The following SPECC1 variants were observed in gnomAD, a reference collection of about 807,000 sequenced individuals.
SPECC1 encodes the protein cytospin-B.
In SPECC1, 62 loss-of-function variants were observed where a neutral mutation model predicts 104.1. The observed-to-expected ratio is 0.60, with a 90% confidence interval of 0.49 to 0.74. The LOEUF (loss-of-function observed/expected upper bound fraction) is 0.74, where lower values mean the gene tolerates loss of function less well. SPECC1 is among the 30% of genes least tolerant of loss of function. The probability of loss-of-function intolerance (pLI) is 0.00; values close to 1 mark genes in which losing one functional copy is unlikely to be tolerated. For missense variants in SPECC1, 1,306 were observed against 1,310.5 expected, an observed-to-expected ratio of 1.00 and a Z score of 0.05; for synonymous variants, 513 against 501.6, an observed-to-expected ratio of 1.02 and a Z score of -0.30.
At chr17:20,286,639 A>G (rs2040956240) in intron 12 of SPECC1, among the ~76,000 whole-genome samples, 1 of 152,062 alleles carries the variant, frequency 6.6e-6, no homozygotes, top group Non-Finnish European at 1.5e-5. Flanking sequence ...CCGGCCACCC[A>G]TGTCCCACAA....
chr17:20,242,362 G>A (rs573273061), intron 7 of SPECC1, among the ~76,000 whole-genome samples: 3 of 152,326 alleles, frequency 2.0e-5, no homozygotes, highest in Admixed American at 2.0e-4. Context: ...ACAAGGTGAG[G>A]CATGGAAGGC....
chr17:20,045,780 TG>T (rs2045516657), intron 1 of SPECC1, among the ~76,000 whole-genome samples: 1 of 152,240 alleles, frequency 6.6e-6, no homozygotes, highest in Non-Finnish European at 1.5e-5. Context: ...CAGTTTTTCC[TG>T]CTTTATCTGA....
intron 2 of SPECC1, 103 bp downstream of exon 2, chr17:20,096,901 A>T: frequency 7.0e-7 from 1 of 1,429,228 alleles, no homozygotes; most frequent in Non-Finnish European, 9.5e-7. Context: ...GGGGCAGGGA[A>T]GGAGGCTCCC....
chr17:20,256,130 G>A (rs2039822506), intron 10 of SPECC1, among the ~76,000 whole-genome samples: 1 of 152,096 alleles, frequency 6.6e-6, no homozygotes. Flanking sequence ...ACCCACCTCG[G>A]CCTCCCAAAG....
At position 20,110,679 on chromosome 17, in the gene SPECC1, C is replaced by A. The variant is rs889792879; in HGVS notation, c.283+117C>A. ...TCGTGAAATATTTCTTGACCACTTACCCTGGGCCGGAACTGTTTTAGGCAG... is the reference window on the plus strand; with the variant it reads ...TCGTGAAATATTTCTTGACCACTTAACCTGGGCCGGAACTGTTTTAGGCAG... On this transcript the variant is annotated intron_variant, in intron 3 of 14. Coordinates refer to ENST00000395527, the MANE Select transcript of SPECC1 (RefSeq NM_001243439.2). 12 of 1,253,430 alleles carry A rather than the reference C, an allele frequency of 9.6e-6. No homozygotes were observed. In the East Asian group the frequency reaches 1.1e-4, roughly 11 times the overall value. 77.6% of individuals were successfully genotyped at this position (1,253,430 alleles called of 1,614,324 possible).
intron 1 of SPECC1, among the ~76,000 whole-genome samples, chr17:20,011,899 A>G (rs1334793670): frequency 6.6e-6 from 1 of 151,860 alleles, no homozygotes; most frequent in Non-Finnish European, 1.5e-5. Flanking sequence ...TTCACTTTCC[A>G]TTCCTTCTTG....
Position 20,204,739 on chromosome 17 carries a change from G to T in SPECC1, c.690G>T (p.Glu230Asp), listed in dbSNP as rs763906753. Residue 230 changes from glutamate to aspartate, a missense_variant, in exon 4 of 15, where the codon GAG becomes GAT. Transcript: ENST00000395527. ...CGGAACCTATGATAAGAGCTCTTGA[G>T]GAGAAGAACAAGAACTTTCAGAAAG... ...GDTEPMIRAL[E>D]EKNKNFQKEL... The T allele has an allele frequency of 4.4e-6, 7 of 1,605,086 alleles. No individual in the cohort carries two copies. Among genetic ancestry groups the T allele is most frequent in the Non-Finnish European group, 5.9e-6 (7 of 1,179,800 alleles).
At chr17:20,115,317 A>G (rs967618058) in intron 3 of SPECC1, among the ~76,000 whole-genome samples, 2 of 152,120 alleles carry the variant, frequency 1.3e-5, no homozygotes, top group East Asian at 1.9e-4. Flanking sequence ...TACTAAAAAT[A>G]CAAACATTAG....
chr17:20,071,420 G>GCTA (rs1555601363), intron 1 of SPECC1, among the ~76,000 whole-genome samples: 1 of 151,974 alleles, frequency 6.6e-6, no homozygotes, highest in Non-Finnish European at 1.5e-5. Flanking sequence ...CTCCTTTAGA[G>GCTA]AAGAATCAAG....
rs1173525604 is a variant in SPECC1 at position 20,222,334 on chromosome 17, G to A, written c.1864-5079G>A. Among the ~76,000 whole-genome samples, 5 of 148,784 alleles carry A rather than the reference G, an allele frequency of 3.4e-5. No homozygotes were observed. In the Middle Eastern group the frequency reaches 0.01, roughly 306 times the overall value. On this transcript the variant is annotated intron_variant, in intron 4 of 14. Coordinates refer to ENST00000395527, the MANE Select transcript of SPECC1 (RefSeq NM_001243439.2). The stretch of plus-strand genomic sequence containing the variant: ...GGGAGACAGAGCGAGATTGTGTCTC[G>A]AAAAAAAAAAGTTTCAGGAATTATT...
intron 3 of SPECC1, among the ~76,000 whole-genome samples, chr17:20,122,665 C>T (rs979307213): frequency 6.6e-6 from 1 of 152,184 alleles, no homozygotes; most frequent in African/African-American, 2.4e-5. Context: ...TCCCGGCAAG[C>T]ACCATTCTGT....
At chr17:20,058,942 C>A (rs2046076180) in intron 1 of SPECC1, among the ~76,000 whole-genome samples, 1 of 150,318 alleles carries the variant, frequency 6.7e-6, no homozygotes, top group South Asian at 2.1e-4. Flanking sequence ...CAGGTTCACA[C>A]CATTCTCCTG....
At chr17:20,263,240 T>C (rs2040092474) in intron 12 of SPECC1, among the ~76,000 whole-genome samples, 1 of 149,872 alleles carries the variant, frequency 6.7e-6, no homozygotes, top group African/African-American at 2.4e-5. Flanking sequence ...CTTCTTATTC[T>C]TTCCTGTGTC....
At chr17:20,059,696 T>A (rs1411225217) in intron 1 of SPECC1, among the ~76,000 whole-genome samples, 2 of 152,120 alleles carry the variant, frequency 1.3e-5, no homozygotes, top group East Asian at 1.9e-4. Flanking sequence ...TGAGATCCCA[T>A]CTCTATAGAA....
chr17:20,298,973 A>G (rs61449029), intron 13 of SPECC1, among the ~76,000 whole-genome samples: 62,099 of 97,050 alleles, frequency 0.64, 21,903 homozygotes, highest in East Asian at 0.93. Flanking sequence ...GTGTGTGTGT[A>G]TGTAGAGAGA....
intron 1 of SPECC1, among the ~76,000 whole-genome samples, chr17:20,031,380 C>T (rs747472659): frequency 5.3e-5 from 8 of 151,912 alleles, no homozygotes; most frequent in Non-Finnish European, 1.0e-4. Context: ...AGTGCGGTGG[C>T]GCAATCTCAG....
chr17:20,243,503 A>G (rs2039290845), intron 7 of SPECC1, among the ~76,000 whole-genome samples: 2 of 151,964 alleles, frequency 1.3e-5, no homozygotes, highest in African/African-American at 4.8e-5. Context: ...CTTAATAACC[A>G]TTTTCTTTGG....
At chr17:20,023,914 GA>G (rs904878983) in intron 1 of SPECC1, among the ~76,000 whole-genome samples, 3 of 151,852 alleles carry the variant, frequency 2.0e-5, no homozygotes, top group African/African-American at 7.3e-5. Flanking sequence ...TTAAAAAAAT[GA>G]AAAAAAGAAC....
chr17:20,097,155 CCT>C (rs1453365060), intron 2 of SPECC1, among the ~76,000 whole-genome samples: 2 of 152,138 alleles, frequency 1.3e-5, no homozygotes, highest in African/African-American at 4.8e-5. Flanking sequence ...TCTTCAAGCC[CCT>C]CTTACTGGAC....
Sources: allele counts gnomAD v4.1 joint callset (sites outside exome capture counted in the v4.1 genomes callset), GRCh38; gene constraint gnomAD v4.1.1; transcripts MANE v1.5; gene names NCBI Gene and HGNC (gene_info 2026-07-23, HGNC 2026-07-21).